Variants in RBFOX1 observed in about 807,000 individuals in gnomAD.
RBFOX1 encodes the protein RNA binding protein fox-1 homolog 1.
Under a neutral mutation model 57.7 loss-of-function variants are expected in RBFOX1, and 8 were observed. The ratio of observed to expected loss-of-function variants is 0.14; its 90% CI spans 0.08 to 0.25. RBFOX1 has a LOEUF of 0.25. RBFOX1 is among the 10% of genes least tolerant of loss of function. The pLI is 1.00. For synonymous variants in RBFOX1, 326 were observed against 222.4 expected (o/e 1.47, Z -4.15); for missense variants, 611 against 548.5 (o/e 1.11, Z -1.14).
chr16:5,355,746 A>G (rs1435455361), intron 1 of RBFOX1, among the ~76,000 whole-genome samples: 1 of 152,190 alleles, frequency 6.6e-6, no homozygotes, highest in Non-Finnish European at 1.5e-5. Flanking sequence ...TCACAGGATG[A>G]GATGGTCCTG....
intron 4 of RBFOX1, among the ~76,000 whole-genome samples, chr16:7,479,360 G>C (rs1350981622): frequency 1.3e-5 from 2 of 151,994 alleles, no homozygotes; most frequent in Non-Finnish European, 2.9e-5. Flanking sequence ...TGAACTCCTG[G>C]GCTCAGTGTA....
downstream of RBFOX1, among the ~76,000 whole-genome samples, chr16:5,603,706 G>T (rs1314101540): frequency 6.6e-6 from 1 of 152,188 alleles, no homozygotes; most frequent in East Asian, 1.9e-4. Flanking sequence ...GAGGTGGCAT[G>T]GTGGATGAAT....
chr16:6,846,164 G>T (rs1318761810), intron 3 of RBFOX1, among the ~76,000 whole-genome samples: 1 of 152,102 alleles, frequency 6.6e-6, no homozygotes. Context: ...CTGCTTACAC[G>T]GTGGCCCATC....
chr16:6,218,341 C>G (rs2097349738), intron 1 of RBFOX1, among the ~76,000 whole-genome samples: 1 of 152,032 alleles, frequency 6.6e-6, no homozygotes, highest in South Asian at 2.1e-4. Flanking sequence ...CACAGTCTCA[C>G]TCTATTGCCC....
chr16:7,608,219 A>G (rs1234530266), intron 10 of RBFOX1, among the ~76,000 whole-genome samples: 1 of 152,224 alleles, frequency 6.6e-6, no homozygotes, highest in Non-Finnish European at 1.5e-5. Context: ...ACGGTAAGTC[A>G]TACCCCTTGC....
intron 4 of RBFOX1, among the ~76,000 whole-genome samples, chr16:5,887,691 A>G (rs1277325932): frequency 6.6e-6 from 1 of 152,158 alleles, no homozygotes; most frequent in Non-Finnish European, 1.5e-5. Context: ...GATGTGAGCC[A>G]CCATACCTGG....
At chr16:5,409,235 C>G (rs188173193) in intron 1 of RBFOX1, among the ~76,000 whole-genome samples, 1 of 152,158 alleles carries the variant, frequency 6.6e-6, no homozygotes, top group African/African-American at 2.4e-5. Flanking sequence ...GATGGCTTGG[C>G]CTTCCTGTGT....
intron 2 of RBFOX1, among the ~76,000 whole-genome samples, chr16:6,638,289 A>T (rs934690695): frequency 6.6e-6 from 1 of 152,162 alleles, no homozygotes; most frequent in Admixed American, 6.5e-5. Context: ...TCCTATGCTC[A>T]TGTAAGAATT....
chr16:6,670,223 C>G (rs1226512568), intron 3 of RBFOX1, among the ~76,000 whole-genome samples: 2 of 152,000 alleles, frequency 1.3e-5, no homozygotes, highest in Non-Finnish European at 2.9e-5. Flanking sequence ...ACCGTTATGC[C>G]TGGCTATGTT....
chr16:5,439,032 T>TGG (rs5815250), intron 1 of RBFOX1, among the ~76,000 whole-genome samples: 96 of 133,196 alleles, frequency 7.2e-4, no homozygotes, highest in Non-Finnish European at 6.0e-4. Context: ...TAGAGAATAA[T>TGG]GGGGGGGGGG....
At chr16:5,627,570 A>C (rs549161287) in intron 3 of RBFOX1, among the ~76,000 whole-genome samples, 1 of 152,290 alleles carries the variant, frequency 6.6e-6, no homozygotes, top group African/African-American at 2.4e-5. Flanking sequence ...AGAAGCGACA[A>C]CTTTATAATA....
intron 9 of RBFOX1, among the ~76,000 whole-genome samples, chr16:7,605,271 C>T (rs996148768): frequency 6.6e-6 from 1 of 152,070 alleles, no homozygotes; most frequent in African/African-American, 2.4e-5. Flanking sequence ...TTTTACGTCA[C>T]TATAGAAATT....
At chr16:7,012,230 T>G (rs1455886263) in intron 3 of RBFOX1, among the ~76,000 whole-genome samples, 1 of 152,302 alleles carries the variant, frequency 6.6e-6, no homozygotes, top group Non-Finnish European at 1.5e-5. Context: ...GCTTAACTCA[T>G]AACATCAGCA....
Position 5,520,803 on chromosome 16 carries a change from A to C in RBFOX1, c.258+53549A>C, listed in dbSNP as rs943622074. Reference sequence around the variant, plus strand: ...TGTGAGCAGAGATGACAGTTTGGCTATCTGAGCAGAAGTCTAAATGCAGTT... The same window carrying C: ...TGTGAGCAGAGATGACAGTTTGGCTCTCTGAGCAGAAGTCTAAATGCAGTT... On this transcript the variant is annotated intron_variant, in intron 2 of 2. Coordinates refer to the RBFOX1 transcript ENST00000585867. Among the ~76,000 whole-genome samples the C allele has an allele frequency of 2.0e-5, 3 of 152,202 alleles. No individual in the cohort carries two copies. In the East Asian group the frequency reaches 5.8e-4, roughly 29 times the overall value.
chr16:6,558,955 T>C (rs1321709043), intron 2 of RBFOX1, among the ~76,000 whole-genome samples: 2 of 152,054 alleles, frequency 1.3e-5, no homozygotes, highest in African/African-American at 4.8e-5. Context: ...CTTTTACTTC[T>C]CCTTTCACTC....
chr16:6,450,860 T>C (rs186425523), intron 2 of RBFOX1, among the ~76,000 whole-genome samples: 10,354 of 75,840 alleles, frequency 0.14, 2,708 homozygotes, highest in East Asian at 0.42. Flanking sequence ...TATATATATA[T>C]ATATATATAT....
At chr16:6,105,145 C>G (rs964181734) in intron 1 of RBFOX1, among the ~76,000 whole-genome samples, 6 of 152,226 alleles carry the variant, frequency 3.9e-5, no homozygotes, top group East Asian at 1.9e-4. Flanking sequence ...TCATTCCTCT[C>G]TCACCTGAAT....
chr16:5,728,804 C>G (rs191301725), intron 3 of RBFOX1, among the ~76,000 whole-genome samples: 5 of 152,306 alleles, frequency 3.3e-5, no homozygotes, highest in East Asian at 3.9e-4. Context: ...CTGCTGGCCC[C>G]TTTCTTCCCT....
In RBFOX1 at chr16:7,119,772, T is replaced by C. The variant is rs112740982; in HGVS notation, c.27+67674T>C. Among the ~76,000 whole-genome samples the C allele has an allele frequency of 7.9e-3, 1,199 of 152,208 alleles. 7 individuals are homozygous for C. The highest frequency in any genetic ancestry group is 0.028 in the African/African-American group (1,147 of 41,542). On this transcript the variant is annotated intron_variant, in intron 4 of 15. Transcript: ENST00000550418. ...AGAGTCTACAAACATAAGTGAAGTCTGTCTCACTATTTGATAAAATTAATA... is the reference window on the plus strand; with the variant it reads ...AGAGTCTACAAACATAAGTGAAGTCCGTCTCACTATTTGATAAAATTAATA...
Sources: allele counts gnomAD v4.1 joint callset (sites outside exome capture counted in the v4.1 genomes callset), GRCh38; gene constraint gnomAD v4.1.1; transcripts MANE v1.5; gene names NCBI Gene and HGNC (gene_info 2026-07-23, HGNC 2026-07-21).